The following OR8J3 variants were observed in gnomAD, a reference collection of about 807,000 sequenced individuals.
The protein encoded by OR8J3 is olfactory receptor family 8 subfamily J member 3, also known as olfactory receptor 8J3.
For missense variants in OR8J3, 418 were observed against 379.8 expected, an observed-to-expected ratio of 1.10 and a Z score of -0.84; for synonymous variants, 170 against 142.6, an observed-to-expected ratio of 1.19 and a Z score of -1.37.
At position 56,135,137 on chromosome 11, in the gene OR8J3, C is replaced by A. The variant is rs1854318092; in HGVS notation, c.*1634G>T. On this transcript the variant is annotated 3_prime_UTR_variant, in exon 2 of 2. Transcript: ENST00000642058. ...AAATCTAAAAATTGTCATTTGAGGA[C>A]CTTGTTAATAGTTTATAAAAACTGA... The A allele has an allele frequency of 6.6e-6, 1 of 151,734 alleles. No individual in the cohort carries two copies. Among genetic ancestry groups the A allele is most frequent in the Non-Finnish European group, 1.5e-5 (1 of 67,864 alleles). The allele number at this position is 151,734 out of a possible 1,614,324, so 9.4% of individuals were successfully genotyped here. A position where few individuals can be genotyped will look rare whatever the true frequency, so the allele number is the denominator to read the frequency against.
At position 56,138,261 on chromosome 11, in the gene OR8J3, TTAC is replaced by T. The variant is rs578239818; in HGVS notation, c.-546_-544del. On this transcript the variant is annotated 5_prime_UTR_variant, in exon 2 of 2. Transcript: ENST00000642058. ...TGCAAATTACAACATGCATGTTTGTTTACTACTTTTTCTCTTTCCATTTTATTA... is the reference window on the plus strand; with the variant it reads ...TGCAAATTACAACATGCATGTTTGTTTACTTTTTCTCTTTCCATTTTATTA... 1 of 152,332 alleles carries T rather than the reference TTAC, an allele frequency of 6.6e-6. No homozygotes were observed. The highest frequency in any genetic ancestry group is 1.5e-5 in the Non-Finnish European group (1 of 68,118). The allele number at this position is 152,332 out of a possible 1,614,324, so 9.4% of individuals were successfully genotyped here. A position where few individuals can be genotyped will look rare whatever the true frequency, so the allele number is the denominator to read the frequency against.
In OR8J3 at chr11:56,136,872, GAATC is replaced by G. The variant is rs1331166329; in HGVS notation, c.843_846del (p.Ile282LeufsTer3). Reference sequence around the variant, plus strand: ...CTGTAGATCAAGGGATTCAGCATAGGAATCACCAATGTGTAAAACACAGAAGCCA... The same window carrying G: ...CTGTAGATCAAGGGATTCAGCATAGGACCAATGTGTAAAACACAGAAGCCA... On this transcript the variant is annotated frameshift_variant, in exon 2 of 2. Transcript: ENST00000642058. LOFTEE classifies it low-confidence loss of function (END_TRUNC). 1 of 1,613,888 alleles carries G rather than the reference GAATC, an allele frequency of 6.2e-7. No homozygotes were observed. Among genetic ancestry groups the G allele is most frequent in the Admixed American group, 1.7e-5 (1 of 59,994 alleles).
chr11:56,135,035 G>T lies in OR8J3; in HGVS notation c.*1736C>A, dbSNP rs1023197850. The T allele has an allele frequency of 6.6e-6, 1 of 151,874 alleles. No individual in the cohort carries two copies. The highest frequency in any genetic ancestry group is 1.5e-5 in the Non-Finnish European group (1 of 67,864). 9.4% of individuals were successfully genotyped at this position (151,874 alleles called of 1,614,324 possible). ...TAAAAACCCGACATCAATATATATAGATCTGGTAAAATTCATTATATTTCA... is the reference window on the plus strand; with the variant it reads ...TAAAAACCCGACATCAATATATATATATCTGGTAAAATTCATTATATTTCA... On this transcript the variant is annotated 3_prime_UTR_variant, in exon 2 of 2. Transcript: ENST00000642058.
chr11:56,137,010 C>T lies in OR8J3; in HGVS notation c.709G>A (p.Ala237Thr), dbSNP rs758292560. 30 of 1,613,372 alleles carry T rather than the reference C, an allele frequency of 1.9e-5. No individual in the cohort carries two copies. Among genetic ancestry groups the T allele is most frequent in the East Asian group, 4.5e-5 (2 of 44,876 alleles). ...RIRSPEGRKKAFSTCASHMIA... is the reference protein window; with the variant it reads ...RIRSPEGRKKTFSTCASHMIA... The stretch of plus-strand genomic sequence containing the variant: ...ATATGCGAAGCGCAGGTGGAAAAGG[C>T]TTTTTTCCTTCCTTCTGGTGAACGT... Residue 237 changes from alanine (A) to threonine (T), a missense_variant, in exon 2 of 2, where the codon GCC (alanine) becomes ACC (threonine). Transcript: ENST00000642058.
rs536708591 is a variant in OR8J3, at chr11:56,138,015, G to A, written c.-297C>T. 3.0e-6 allele frequency: 1 copy of A among 331,106 alleles called. No homozygotes were observed. The highest frequency in any genetic ancestry group is 5.5e-5 in the East Asian group (1 of 18,088). The allele number at this position is 331,106 out of a possible 1,614,324, so 20.5% of individuals were successfully genotyped here. A position where few individuals can be genotyped will look rare whatever the true frequency, so the allele number is the denominator to read the frequency against. On this transcript the variant is annotated 5_prime_UTR_variant, in exon 2 of 2. Coordinates refer to ENST00000642058, the MANE Select transcript of OR8J3 (RefSeq NM_001004064.2). ...CTGCCTTGCAGTGTAATTGAATTAAGAATATGTTCTTAGCTTACAAACATT... is the reference window on the plus strand; with the variant it reads ...CTGCCTTGCAGTGTAATTGAATTAAAAATATGTTCTTAGCTTACAAACATT...
rs1854323348 is a variant in OR8J3 at position 56,135,650 on chromosome 11, T to C, written c.*1121A>G. The C allele has an allele frequency of 6.6e-6, 1 of 151,996 alleles. No homozygotes were observed. Among genetic ancestry groups the C allele is most frequent in the African/African-American group, 2.4e-5 (1 of 41,438 alleles). The allele number at this position is 151,996 out of a possible 1,614,324, so 9.4% of individuals were successfully genotyped here. A position where few individuals can be genotyped will look rare whatever the true frequency, so the allele number is the denominator to read the frequency against. On this transcript the variant is annotated 3_prime_UTR_variant, in exon 2 of 2. Coordinates refer to ENST00000642058, the MANE Select transcript of OR8J3 (RefSeq NM_001004064.2). ...TTCATGACTGAAGATTTAGTTTCTT[T>C]GGTCCTTTAGTCCTGAAGGAACTCT...
Position 56,137,549 on chromosome 11 carries a change from T to G in OR8J3, c.170A>C (p.Asn57Thr), listed in dbSNP as rs1947924. The change falls in exon 2 of 2, where the codon AAC (asparagine) becomes ACC (threonine). Residue 57 changes from asparagine to threonine, a missense_variant. By Grantham distance (65) the Asn-to-Thr change is moderately conservative. Coordinates refer to ENST00000642058, the MANE Select transcript of OR8J3 (RefSeq NM_001004064.2). Reference protein sequence around the residue: ...TLTSVDSRLQNPMYFFLRHLA... With the variant: ...TLTSVDSRLQTPMYFFLRHLA... ...ATGTCTCAGGAAAAAGTACATGGGG[T>G]TTTGAAGTCGAGAGTCAACACTGGT... 0.077 allele frequency: 125,039 copies of G among 1,613,894 alleles called. 5,272 individuals are homozygous for G. Among genetic ancestry groups the G allele is most frequent in the African/African-American group, 0.083 (6,254 of 74,918 alleles).
rs113645168 is a variant in OR8J3 at position 56,136,909 on chromosome 11, A to G, written c.810T>C (p.Thr270=). Residue 270 remains threonine (T), a synonymous_variant, in exon 2 of 2, where the codon ACT becomes ACC. Coordinates refer to ENST00000642058, the MANE Select transcript of OR8J3 (RefSeq NM_001004064.2). ...LQPQTNHSLD[T]DKMASVFYTL... is the part of the protein sequence containing the mutation. ...TGTAAAACACAGAAGCCATCTTATC[A>G]GTATCCAGTGAGTGGTTGGTTTGGG... 6.8e-6 allele frequency: 11 copies of G among 1,614,054 alleles called. No individual in the cohort carries two copies. In the South Asian group the frequency reaches 7.7e-5, roughly 11 times the overall value.
chr11:56,138,124 T>G lies in OR8J3; in HGVS notation c.-406A>C. The stretch of plus-strand genomic sequence containing the variant: ...GTATATCGCCAAATAATCCAATGGC[T>G]ACTTGCAATTTCCTAATCTGATAAT... On this transcript the variant is annotated 5_prime_UTR_variant, in exon 2 of 2. Transcript: ENST00000642058. 1 of 175,340 alleles carries G rather than the reference T, an allele frequency of 5.7e-6. No homozygotes were observed. Among genetic ancestry groups the G allele is most frequent in the Non-Finnish European group, 1.2e-5 (1 of 82,998 alleles). The allele number at this position is 175,340 out of a possible 1,614,324, so 10.9% of individuals were successfully genotyped here. A position where few individuals can be genotyped will look rare whatever the true frequency, so the allele number is the denominator to read the frequency against.
chr11:56,135,292 A>C lies in OR8J3; in HGVS notation c.*1479T>G, dbSNP rs1854319684. 1 of 151,990 alleles carries C rather than the reference A, an allele frequency of 6.6e-6. No individual in the cohort carries two copies. The highest frequency in any genetic ancestry group is 2.4e-5 in the African/African-American group (1 of 41,432). The allele number at this position is 151,990 out of a possible 1,614,324, so 9.4% of individuals were successfully genotyped here. On this transcript the variant is annotated 3_prime_UTR_variant, in exon 2 of 2. Coordinates refer to ENST00000642058, the MANE Select transcript of OR8J3 (RefSeq NM_001004064.2). The stretch of plus-strand genomic sequence containing the variant: ...TTTATAAAAAAAAAAATTATGATGG[A>C]AATGTAATGCACAGTAAAAATGGGA...
intron 1 of OR8J3, among the ~76,000 whole-genome samples, chr11:56,139,216 C>T (rs1854366405): frequency 6.6e-6 from 1 of 151,950 alleles, no homozygotes; most frequent in South Asian, 2.1e-4. Context: ...CAATTAAGTT[C>T]CAGAAAGTTA....
chr11:56,135,193 T>C lies in OR8J3; in HGVS notation c.*1578A>G, dbSNP rs1854318480. On this transcript the variant is annotated 3_prime_UTR_variant, in exon 2 of 2. Transcript: ENST00000642058. ...GTGGAACAAATTTTGTTATTAAACA[T>C]GTGGTTATATTATTCCATTGTTCAA... is the stretch of plus-strand genomic sequence containing the variant. 1 of 151,996 alleles carries C rather than the reference T, an allele frequency of 6.6e-6. No individual in the cohort carries two copies. The highest frequency in any genetic ancestry group is 2.4e-5 in the African/African-American group (1 of 41,430). The allele number at this position is 151,996 out of a possible 1,614,324, so 9.4% of individuals were successfully genotyped here.
chr11:56,134,891 T>C lies in OR8J3; in HGVS notation c.*1880A>G, dbSNP rs1854315565. 6.6e-6 allele frequency: 1 copy of C among 152,062 alleles called. No homozygotes were observed. 9.4% of individuals were successfully genotyped at this position (152,062 alleles called of 1,614,324 possible). On this transcript the variant is annotated 3_prime_UTR_variant, in exon 2 of 2. Transcript: ENST00000642058. Reference sequence around the variant, plus strand: ...TTCTTCTTCATTAGGAATTCCCAGATTATTACATGCATACACATAAATAGT... The same window carrying C: ...TTCTTCTTCATTAGGAATTCCCAGACTATTACATGCATACACATAAATAGT...
chr11:56,137,390 G>A lies in OR8J3; in HGVS notation c.329C>T (p.Ser110Leu), dbSNP rs146502389. The change falls in exon 2 of 2, where the codon TCG (serine) becomes TTG (leucine). Residue 110 changes from serine (S) to leucine (L), a missense_variant. By Grantham distance (145) the Ser-to-Leu change is moderately radical (BLOSUM62 -2). Coordinates refer to ENST00000642058, the MANE Select transcript of OR8J3 (RefSeq NM_001004064.2). Reference sequence around the variant, plus strand: ...CATCACAGCCAGCATCATTACCTCCGATACAATAAAGAACAAGAACCCTCC... The same window carrying A: ...CATCACAGCCAGCATCATTACCTCCAATACAATAAAGAACAAGAACCCTCC... ...QLGGFLFFIV[S>L]EVMMLAVMAY... 46 of 1,613,956 alleles carry A rather than the reference G, an allele frequency of 2.9e-5. No individual in the cohort carries two copies. The highest frequency in any genetic ancestry group is 3.6e-5 in the Non-Finnish European group (43 of 1,180,008).
intron 1 of OR8J3, among the ~76,000 whole-genome samples, chr11:56,139,534 C>G (rs1854369505): frequency 6.6e-6 from 1 of 152,118 alleles, no homozygotes; most frequent in East Asian, 1.9e-4. Flanking sequence ...GTTCGAGCTT[C>G]AGATAAATTA....
At chr11:56,139,611 T>A (rs1241861973) in intron 1 of OR8J3, among the ~76,000 whole-genome samples, 1 of 152,206 alleles carries the variant, frequency 6.6e-6, no homozygotes, top group Non-Finnish European at 1.5e-5. Flanking sequence ...TAAGAAGGCA[T>A]ATAAACACAA....
At position 56,137,409 on chromosome 11, in the gene OR8J3, A is replaced by C; in HGVS notation, c.310T>G (p.Phe104Val). The change falls in exon 2 of 2, where the codon TTC (phenylalanine) becomes GTC (valine). Residue 104 changes from phenylalanine (F) to valine (V), a missense_variant. By Grantham distance (50) the Phe-to-Val change is conservative (BLOSUM62 -1). Coordinates refer to ENST00000642058, the MANE Select transcript of OR8J3 (RefSeq NM_001004064.2). ...ACCTCCGATACAATAAAGAACAAGA[A>C]CCCTCCCAGTTGGGTGGCACATTCA... ...FYECATQLGG[F>V]LFFIVSEVMM... is the part of the protein sequence containing the mutation. The C allele has an allele frequency of 6.2e-7, 1 of 1,613,786 alleles. No homozygotes were observed. The highest frequency in any genetic ancestry group is 8.5e-7 in the Non-Finnish European group (1 of 1,179,956).
chr11:56,136,484 T>C lies in OR8J3; in HGVS notation c.*287A>G. ...CTTTAATTCTCTTGTTCCTATTTTGTTGCTCTGTTAAAACTTAACCTTTTA... is the reference window on the plus strand; with the variant it reads ...CTTTAATTCTCTTGTTCCTATTTTGCTGCTCTGTTAAAACTTAACCTTTTA... On this transcript the variant is annotated 3_prime_UTR_variant, in exon 2 of 2. Transcript: ENST00000642058. 1 of 185,730 alleles carries C rather than the reference T, an allele frequency of 5.4e-6. No homozygotes were observed. Among genetic ancestry groups the C allele is most frequent in the Non-Finnish European group, 1.1e-5 (1 of 90,874 alleles). The allele number at this position is 185,730 out of a possible 1,614,324, so 11.5% of individuals were successfully genotyped here. A position where few individuals can be genotyped will look rare whatever the true frequency, so the allele number is the denominator to read the frequency against.
Position 56,136,137 on chromosome 11 carries a change from G to C in OR8J3, c.*634C>G, listed in dbSNP as rs1452859705. ...ATCTGATGTTTACAAAGCAAACCCA[G>C]TATAAAAGCATATTCAGTGATAGTA... On this transcript the variant is annotated 3_prime_UTR_variant, in exon 2 of 2. Transcript: ENST00000642058. 1 of 151,858 alleles carries C rather than the reference G, an allele frequency of 6.6e-6. No homozygotes were observed. The highest frequency in any genetic ancestry group is 1.5e-5 in the Non-Finnish European group (1 of 67,908). 9.4% of individuals were successfully genotyped at this position (151,858 alleles called of 1,614,324 possible).
Sources: gnomAD v4.1 joint callset for allele counts (sites outside exome capture counted in the v4.1 genomes callset) on GRCh38, gnomAD v4.1.1 for gene constraint, MANE v1.5 for transcripts, NCBI Gene and HGNC (gene_info 2026-07-23, HGNC 2026-07-21) for gene names.